The following CDH4 variants were observed in gnomAD, a reference collection of about 807,000 sequenced individuals.
The protein encoded by CDH4 is cadherin 4, also known as cadherin-4.
Under a neutral mutation model 86.0 loss-of-function variants are expected in CDH4, and 33 were observed. That is an observed-to-expected ratio of 0.38 (90% CI 0.29 to 0.51). The LOEUF is 0.51. Ranked by LOEUF, CDH4 falls within the 20% of genes least tolerant of loss-of-function variation. The pLI, the probability that CDH4 is intolerant of heterozygous loss-of-function variation, is 0.86. For missense variants in CDH4, 1,114 were observed against 1,307.4 expected, an observed-to-expected ratio of 0.85 and a Z score of 2.28; for synonymous variants, 555 against 549.4, an observed-to-expected ratio of 1.01 and a Z score of -0.14.
intron 2 of CDH4, among the ~76,000 whole-genome samples, chr20:61,607,566 A>G (rs1314387522): frequency 1.3e-5 from 2 of 152,256 alleles, no homozygotes; most frequent in East Asian, 3.8e-4. Flanking sequence ...AAGATTAGAA[A>G]AAAAAGCATC....
chr20:61,524,425 G>A (rs369187048), intron 2 of CDH4, among the ~76,000 whole-genome samples: 3 of 152,146 alleles, frequency 2.0e-5, no homozygotes, highest in African/African-American at 7.2e-5. Context: ...GTCAGCAGAG[G>A]AAGCTGGGTG....
At chr20:61,362,210 CAGG>C (rs1203182770) in intron 2 of CDH4, among the ~76,000 whole-genome samples, 3 of 151,786 alleles carry the variant, frequency 2.0e-5, no homozygotes, top group Non-Finnish European at 4.4e-5. Flanking sequence ...CAAAGCCTGG[CAGG>C]GGGGGATGTG....
chr20:61,713,529 C>T (rs2087915789), intron 2 of CDH4, among the ~76,000 whole-genome samples: 1 of 152,252 alleles, frequency 6.6e-6, no homozygotes, highest in Non-Finnish European at 1.5e-5. Context: ...CTGAGCTCCC[C>T]AGGACGGAGA....
intron 2 of CDH4, among the ~76,000 whole-genome samples, chr20:61,342,357 C>T (rs2123284508): frequency 6.6e-6 from 1 of 152,322 alleles, no homozygotes; most frequent in South Asian, 2.1e-4. Context: ...GAGCCCTGAG[C>T]TTGTTTTCCT....
intron 2 of CDH4, among the ~76,000 whole-genome samples, chr20:61,387,303 CATACAT>C (rs983489478): frequency 1.3e-5 from 2 of 151,678 alleles, no homozygotes; most frequent in Non-Finnish European, 2.9e-5. Context: ...CAAACATACA[CATACAT>C]ATACACACAG....
At chr20:61,412,475 T>C (rs1030681001) in intron 2 of CDH4, among the ~76,000 whole-genome samples, 2 of 152,202 alleles carry the variant, frequency 1.3e-5, no homozygotes, top group Non-Finnish European at 1.5e-5. Flanking sequence ...AAAGTCTGAA[T>C]TCCTCAGCAT....
chr20:61,562,552 C>T (rs1423306567), intron 2 of CDH4, among the ~76,000 whole-genome samples: 1 of 152,180 alleles, frequency 6.6e-6, no homozygotes, highest in East Asian at 1.9e-4. Flanking sequence ...TTGTACACCC[C>T]AGACTTGGTG....
At chr20:61,372,393 CCTT>C (rs1217138492) in intron 2 of CDH4, among the ~76,000 whole-genome samples, 2 of 152,238 alleles carry the variant, frequency 1.3e-5, no homozygotes, top group Admixed American at 6.5e-5. Flanking sequence ...CGCTTCGCCT[CCTT>C]CTCCGTGCAG....
rs113490006 is a variant in CDH4 at position 61,931,662 on chromosome 20, G to A, written c.2240-1323G>A. On this transcript the variant is annotated intron_variant, in intron 13 of 15. Transcript: ENST00000614565. ...GTTTGTGCAGGCATTTACTGGGGGC[G>A]TGGGCTGCATTACCTGCTCCTGGAG... 1.3e-3 allele frequency among the ~76,000 whole-genome samples: 194 copies of A among 152,318 alleles called. 1 individual carries two copies. The highest frequency in any genetic ancestry group is 4.3e-3 in the African/African-American group (177 of 41,562).
intron 2 of CDH4, among the ~76,000 whole-genome samples, chr20:61,256,332 C>A (rs537786095): frequency 2.6e-5 from 4 of 152,280 alleles, no homozygotes; most frequent in Non-Finnish European, 4.4e-5. Context: ...TATGATAAGA[C>A]CTTGGAGTAT....
chr20:61,655,378 A>G (rs2087176116), intron 2 of CDH4, among the ~76,000 whole-genome samples: 1 of 152,210 alleles, frequency 6.6e-6, no homozygotes, highest in African/African-American at 2.4e-5. Context: ...TGACACACAC[A>G]CTTACACACA....
chr20:61,539,357 T>G (rs780064244), intron 2 of CDH4, among the ~76,000 whole-genome samples: 3 of 152,204 alleles, frequency 2.0e-5, no homozygotes, highest in Non-Finnish European at 4.4e-5. Context: ...TTTATTTTCT[T>G]ACAATTCAGG....
intron 6 of CDH4, among the ~76,000 whole-genome samples, chr20:61,866,286 A>G (rs950465941): frequency 6.6e-6 from 1 of 152,172 alleles, no homozygotes; most frequent in Admixed American, 6.5e-5. Context: ...CTCAGAAACG[A>G]TGTCAGCTTG....
At chr20:61,760,703 C>T (rs1439435423) in intron 3 of CDH4, among the ~76,000 whole-genome samples, 2 of 152,248 alleles carry the variant, frequency 1.3e-5, no homozygotes, top group African/African-American at 4.8e-5. Flanking sequence ...AACTGCCCGA[C>T]TGTGTTCAGG....
At chr20:61,893,962 A>T (rs1286501326) in intron 7 of CDH4, among the ~76,000 whole-genome samples, 3 of 152,104 alleles carry the variant, frequency 2.0e-5, no homozygotes, top group Non-Finnish European at 4.4e-5. Flanking sequence ...GTTTCACTGA[A>T]TCACACCGCT....
At chr20:61,307,836 C>T (rs1021278008) in intron 2 of CDH4, among the ~76,000 whole-genome samples, 3 of 152,166 alleles carry the variant, frequency 2.0e-5, no homozygotes, top group Non-Finnish European at 4.4e-5. Flanking sequence ...TGGAGCCAGC[C>T]GGGCTCCACC....
At chr20:61,935,448 ATAAT>A (rs565124440) in intron 15 of CDH4, among the ~76,000 whole-genome samples, 2 of 152,232 alleles carry the variant, frequency 1.3e-5, no homozygotes, top group African/African-American at 2.4e-5. Context: ...TGCCCAGTCT[ATAAT>A]TAATTTAGAG....
At chr20:61,477,724 A>G (rs893188925) in intron 2 of CDH4, among the ~76,000 whole-genome samples, 1 of 152,206 alleles carries the variant, frequency 6.6e-6, no homozygotes, top group Admixed American at 6.5e-5. Flanking sequence ...CATTGCTCAT[A>G]AAAGAGATGG....
At position 61,825,827 on chromosome 20, in the gene CDH4, A is replaced by T. The variant is rs142395854; in HGVS notation, c.577-18841A>T. 3.0e-4 allele frequency among the ~76,000 whole-genome samples: 46 copies of T among 152,276 alleles called. No individual in the cohort carries two copies. The East Asian group carries it at 5.2e-3, about 17-fold the overall frequency. ...CCTCCAACACCATCTCACACTCCCC[A>T]TGGGCTTCCCCAAAGTTAATGGCAG... On this transcript the variant is annotated intron_variant, in intron 4 of 15. Coordinates refer to ENST00000614565, the MANE Select transcript of CDH4 (RefSeq NM_001794.5).
Sources: gnomAD v4.1 joint callset for allele counts (sites outside exome capture counted in the v4.1 genomes callset) on GRCh38, gnomAD v4.1.1 for gene constraint, MANE v1.5 for transcripts, NCBI Gene and HGNC (gene_info 2026-07-23, HGNC 2026-07-21) for gene names.